The following CDH13 variants were observed in gnomAD, a reference collection of about 807,000 sequenced individuals.
CDH13 encodes the protein cadherin 13, also known as cadherin-13.
CDH13 carries 24 observed loss-of-function variants against 63.8 expected under a neutral mutation model. The observed-to-expected ratio is 0.38, with a 90% CI of 0.27 to 0.53. CDH13 has a LOEUF of 0.53. Ranked by LOEUF, CDH13 falls within the 20% of genes least tolerant of loss-of-function variation. CDH13 has a pLI of 0.85. For synonymous variants in CDH13, 503 were observed against 355.3 expected (o/e 1.42, Z -4.67); for missense variants, 1,049 against 903.1 (o/e 1.16, Z -2.07).
chr16:83,365,927 G>T (rs559391819), intron 6 of CDH13, among the ~76,000 whole-genome samples: 2 of 152,278 alleles, frequency 1.3e-5, no homozygotes, highest in East Asian at 3.9e-4. Flanking sequence ...AAGGAACACT[G>T]CCCTGCTGAA....
chr16:82,821,211 A>C (rs1366259685), intron 1 of CDH13, among the ~76,000 whole-genome samples: 3 of 152,170 alleles, frequency 2.0e-5, no homozygotes, highest in Admixed American at 1.3e-4. Flanking sequence ...TTCTGGTTTT[A>C]CTTTTAAATT....
chr16:82,627,795 G>A (rs988267142), intron 1 of CDH13, among the ~76,000 whole-genome samples: 2 of 152,232 alleles, frequency 1.3e-5, no homozygotes, highest in African/African-American at 4.8e-5. Flanking sequence ...CGAAAGGGCC[G>A]GAGCGTGTCC....
chr16:82,799,421 C>T (rs561567358), intron 1 of CDH13, among the ~76,000 whole-genome samples: 1 of 152,282 alleles, frequency 6.6e-6, no homozygotes, highest in East Asian at 1.9e-4. Context: ...GCTTTTAACC[C>T]TAATTTCTAG....
chr16:83,476,435 G>A (rs1352417075), intron 6 of CDH13, among the ~76,000 whole-genome samples: 4 of 152,234 alleles, frequency 2.6e-5, no homozygotes, highest in African/African-American at 7.2e-5. Context: ...CACTTTGAGA[G>A]GCCAAGGTGG....
Position 83,567,324 on chromosome 16 carries a change from G to A in CDH13, c.961-35130G>A, listed in dbSNP as rs181164449. Reference sequence around the variant, plus strand: ...TATTCCTGGTTCTTGGCACATAGTGGGTGAACTCACACAGACTAGAGATAA... The same window carrying A: ...TATTCCTGGTTCTTGGCACATAGTGAGTGAACTCACACAGACTAGAGATAA... On this transcript the variant is annotated intron_variant, in intron 7 of 13. Coordinates refer to ENST00000567109, the MANE Select transcript of CDH13 (RefSeq NM_001257.5). 3.0e-3 allele frequency among the ~76,000 whole-genome samples: 452 copies of A among 152,232 alleles called. 7 individuals carry two copies. The highest frequency in any genetic ancestry group is 0.011 in the African/African-American group (437 of 41,530).
rs148435849 is a variant in CDH13, at chr16:82,647,793, G to T, written c.45+20656G>T. ...AAGAGACAGGAGCTTGGGGTTGGGT[G>T]GTGAGCTGTCTGTCAGTGTCTAATG... On this transcript the variant is annotated intron_variant, in intron 1 of 13. Transcript: ENST00000567109. 1.2e-4 allele frequency among the ~76,000 whole-genome samples: 19 copies of T among 152,308 alleles called. No individual in the cohort carries two copies. The East Asian group carries it at 3.7e-3, about 29-fold the overall frequency.
At chr16:82,903,407 G>A (rs914761532) in intron 2 of CDH13, among the ~76,000 whole-genome samples, 62 of 152,188 alleles carry the variant, frequency 4.1e-4, no homozygotes, top group South Asian at 2.1e-4. Context: ...TTGCCTACCC[G>A]CAGTGGACTT....
chr16:82,653,511 T>A (rs1910965969), intron 1 of CDH13, among the ~76,000 whole-genome samples: 1 of 152,086 alleles, frequency 6.6e-6, no homozygotes, highest in South Asian at 2.1e-4. Context: ...TGGGACTGGA[T>A]GTACCTGCAC....
chr16:83,080,871 GTTTTTTTTT>G (rs71148809), intron 3 of CDH13, among the ~76,000 whole-genome samples: 19 of 46,952 alleles, frequency 4.0e-4, no homozygotes, highest in African/African-American at 1.4e-3. Context: ...TTGTTTTTGT[GTTTTTTTTT>G]TTTTTTTTTT....
At chr16:82,827,576 G>A (rs1331165108) in intron 1 of CDH13, among the ~76,000 whole-genome samples, 1 of 152,126 alleles carries the variant, frequency 6.6e-6, no homozygotes, top group Non-Finnish European at 1.5e-5. Context: ...TCAATCTGTA[G>A]ACAAAGCTAG....
In CDH13 at chr16:82,912,740, G is replaced by A. The variant is rs113340979; in HGVS notation, c.157+54267G>A. 3.6e-3 allele frequency among the ~76,000 whole-genome samples: 555 copies of A among 152,190 alleles called. 5 individuals carry two copies. Among genetic ancestry groups the A allele is most frequent in the African/African-American group, 0.013 (521 of 41,526 alleles). On this transcript the variant is annotated intron_variant, in intron 2 of 13. Transcript: ENST00000567109. The stretch of plus-strand genomic sequence containing the variant: ...GGGCGGATCACGAGGTCAGGAGATC[G>A]AAACCATCCTGGCTAATACGGTGAA...
intron 1 of CDH13, among the ~76,000 whole-genome samples, chr16:82,706,296 A>G (rs1454736162): frequency 6.6e-6 from 1 of 152,218 alleles, no homozygotes; most frequent in Non-Finnish European, 1.5e-5. Context: ...CACAGGTGAT[A>G]AATAAACAGT....
At chr16:82,879,547 A>C (rs2151201478) in intron 2 of CDH13, among the ~76,000 whole-genome samples, 1 of 142,726 alleles carries the variant, frequency 7.0e-6, no homozygotes, top group South Asian at 2.1e-4. Context: ...ATACTATATA[A>C]TATATACATA....
At chr16:83,754,325 C>T (rs1188258030) in intron 11 of CDH13, among the ~76,000 whole-genome samples, 1 of 152,152 alleles carries the variant, frequency 6.6e-6, no homozygotes, top group Non-Finnish European at 1.5e-5. Context: ...TTCCTGGAGC[C>T]TTTCAGACTA....
intron 4 of CDH13, among the ~76,000 whole-genome samples, chr16:83,175,931 C>T (rs1409346348): frequency 2.7e-5 from 4 of 147,682 alleles, no homozygotes; most frequent in South Asian, 2.1e-4. Flanking sequence ...CAGGTTCAAG[C>T]GATTCTCCTG....
intron 7 of CDH13, among the ~76,000 whole-genome samples, chr16:83,572,593 T>C (rs1904743329): frequency 6.6e-6 from 1 of 152,164 alleles, no homozygotes; most frequent in South Asian, 2.1e-4. Context: ...GGCCCCAAAA[T>C]AAATCCCTGA....
chr16:83,532,725 T>A (rs970996154), intron 7 of CDH13, among the ~76,000 whole-genome samples: 2 of 152,352 alleles, frequency 1.3e-5, no homozygotes, highest in Middle Eastern at 3.4e-3. Context: ...TCATTGGCCA[T>A]CTGCCTGAGT....
At chr16:82,718,310 C>T (rs4082277) in intron 1 of CDH13, among the ~76,000 whole-genome samples, 2,046 of 152,254 alleles carry the variant, frequency 0.013, 23 homozygotes, top group Admixed American at 0.041. Flanking sequence ...CCTCTTCTGA[C>T]GAGTCACAGG....
chr16:82,754,921 C>T (rs182366488), intron 1 of CDH13, among the ~76,000 whole-genome samples: 2 of 152,302 alleles, frequency 1.3e-5, no homozygotes, highest in South Asian at 2.1e-4. Context: ...CTATAATTGA[C>T]CTGACATTTT....
Sources: allele counts gnomAD v4.1 joint callset (sites outside exome capture counted in the v4.1 genomes callset), GRCh38; gene constraint gnomAD v4.1.1; transcripts MANE v1.5; gene names NCBI Gene and HGNC (gene_info 2026-07-23, HGNC 2026-07-21).